Variants in LRRC3B observed in about 807,000 individuals in gnomAD.
LRRC3B encodes the protein leucine rich repeat containing 3B.
In LRRC3B, 2 loss-of-function variants were observed where a neutral mutation model predicts 12.8. That is an observed-to-expected ratio of 0.16 (90% CI 0.06 to 0.49). The LOEUF (loss-of-function observed/expected upper bound fraction) is 0.49. Among genes scored for constraint, LRRC3B ranks in the 20% least tolerant of loss-of-function variants. LRRC3B has a pLI of 0.96. For missense variants in LRRC3B, 189 were observed against 319.4 expected (o/e 0.59, Z 3.11); for synonymous variants, 132 against 122.0 (o/e 1.08, Z -0.54).
At chr3:26,707,897 G>T (rs1231449464) in intron 1 of LRRC3B, among the ~76,000 whole-genome samples, 3 of 152,176 alleles carry the variant, frequency 2.0e-5, no homozygotes, top group African/African-American at 7.2e-5. Context: ...GTTGATGGAG[G>T]GCTTAGTAAG....
chr3:26,676,132 TGCA>T (rs1699855705), intron 1 of LRRC3B, among the ~76,000 whole-genome samples: 1 of 152,032 alleles, frequency 6.6e-6, no homozygotes, highest in African/African-American at 2.4e-5. Flanking sequence ...GTGCACAACG[TGCA>T]GGTTTGTTAC....
intron 1 of LRRC3B, among the ~76,000 whole-genome samples, chr3:26,635,808 C>T (rs1002008757): frequency 2.0e-5 from 3 of 152,122 alleles, no homozygotes; most frequent in African/African-American, 7.2e-5. Context: ...AATTGGCACT[C>T]AGTAACTGTC....
At chr3:26,708,787 A>T (rs1012402408) in intron 1 of LRRC3B, among the ~76,000 whole-genome samples, 1 of 152,134 alleles carries the variant, frequency 6.6e-6, no homozygotes, top group Non-Finnish European at 1.5e-5. Flanking sequence ...CTTGTTATAT[A>T]AAAAAGTCAT....
At chr3:26,647,113 C>T (rs1699168474) in intron 1 of LRRC3B, among the ~76,000 whole-genome samples, 1 of 152,144 alleles carries the variant, frequency 6.6e-6, no homozygotes, top group Non-Finnish European at 1.5e-5. Flanking sequence ...ACTTACACTT[C>T]CTTCTACTTG....
At chr3:26,686,269 T>C (rs1325020940) in intron 1 of LRRC3B, among the ~76,000 whole-genome samples, 3 of 152,014 alleles carry the variant, frequency 2.0e-5, no homozygotes, top group African/African-American at 7.3e-5. Context: ...TTAGTAAAGA[T>C]GGGGTTTCTC....
At chr3:26,651,713 A>G (rs1038832819) in intron 1 of LRRC3B, among the ~76,000 whole-genome samples, 3 of 152,216 alleles carry the variant, frequency 2.0e-5, no homozygotes, top group Non-Finnish European at 2.9e-5. Context: ...ACCTTTCAAT[A>G]GGTTACAGAA....
intron 1 of LRRC3B, among the ~76,000 whole-genome samples, chr3:26,665,637 T>C (rs879422461): frequency 1.3e-5 from 2 of 152,160 alleles, no homozygotes; most frequent in Non-Finnish European, 2.9e-5. Flanking sequence ...TTTGGCTAAA[T>C]AACCAAGAAA....
chr3:26,624,644 GCGCAGAGCTGGAGGGCGTGCAGGGAAA>G (rs1386709972), intron 1 of LRRC3B: 10 of 152,712 alleles, frequency 6.5e-5, no homozygotes, highest in African/African-American at 2.2e-4. Context: ...AGGCTGGGGA[GCGCAGAGCTGGAGGGCGTGCAGGGAAA>G]CGCAGAGCTA....
chr3:26,647,631 G>A lies in LRRC3B; in HGVS notation c.-161+24394G>A, dbSNP rs188225920. Among the ~76,000 whole-genome samples, 114 of 152,172 alleles carry A rather than the reference G, an allele frequency of 7.5e-4. 1 individual carries two copies. The highest frequency in any genetic ancestry group is 2.1e-4 in the South Asian group (1 of 4,820). On this transcript the variant is annotated intron_variant, in intron 1 of 1. Coordinates refer to ENST00000396641, the Ensembl canonical transcript of LRRC3B. ...ATTATCCTCTTCATATTCTTACAGC[G>A]TTATGCATCACTCTAAAGATACGGC...
At chr3:26,681,610 T>C (rs1005689864) in intron 1 of LRRC3B, among the ~76,000 whole-genome samples, 4 of 152,104 alleles carry the variant, frequency 2.6e-5, no homozygotes, top group Non-Finnish European at 5.9e-5. Context: ...GCTCTGGAGG[T>C]GAAATAGGAT....
intron 1 of LRRC3B, among the ~76,000 whole-genome samples, chr3:26,697,436 T>G (rs1048756303): frequency 1.8e-4 from 27 of 152,180 alleles, no homozygotes; most frequent in African/African-American, 6.0e-4. Flanking sequence ...ATAAGAGCAC[T>G]CAAAATTACA....
chr3:26,689,912 G>T (rs1309780023), intron 1 of LRRC3B, among the ~76,000 whole-genome samples: 1 of 152,194 alleles, frequency 6.6e-6, no homozygotes, highest in Non-Finnish European at 1.5e-5. Context: ...TGGTGTTGGT[G>T]AATTGGAAAG....
intron 1 of LRRC3B, among the ~76,000 whole-genome samples, chr3:26,708,792 AG>A (rs1341058646): frequency 1.3e-5 from 2 of 152,160 alleles, no homozygotes; most frequent in African/African-American, 2.4e-5. Context: ...TATATAAAAA[AG>A]TCATGGAGGT....
intron 1 of LRRC3B, among the ~76,000 whole-genome samples, chr3:26,675,347 T>G (rs1192400099): frequency 6.6e-6 from 1 of 152,222 alleles, no homozygotes; most frequent in East Asian, 1.9e-4. Context: ...TGCCATGAGC[T>G]CTAGGTGCCA....
chr3:26,649,634 G>GCTCCTT (rs1265951407), intron 1 of LRRC3B, among the ~76,000 whole-genome samples: 1 of 152,106 alleles, frequency 6.6e-6, no homozygotes, highest in African/African-American at 2.4e-5. Flanking sequence ...CAAATTCACT[G>GCTCCTT]CTCCTTCTCC....
intron 1 of LRRC3B, among the ~76,000 whole-genome samples, chr3:26,683,423 T>TA (rs1348710911): frequency 6.6e-6 from 1 of 152,104 alleles, no homozygotes; most frequent in African/African-American, 2.4e-5. Context: ...CCCACCAGTT[T>TA]AGGCCAAACA....
intron 1 of LRRC3B, among the ~76,000 whole-genome samples, chr3:26,669,775 G>C (rs929653052): frequency 1.3e-5 from 2 of 152,040 alleles, no homozygotes; most frequent in Admixed American, 6.6e-5. Flanking sequence ...GATTTTTTTG[G>C]ATTTCCATAA....
intron 1 of LRRC3B, among the ~76,000 whole-genome samples, chr3:26,636,638 C>T (rs764581779): frequency 2.8e-4 from 43 of 152,114 alleles, no homozygotes; most frequent in Non-Finnish European, 4.7e-4. Flanking sequence ...GACACAATTT[C>T]TAAAAGCTAC....
At chr3:26,674,307 C>G (rs1699813118) in intron 1 of LRRC3B, among the ~76,000 whole-genome samples, 1 of 152,090 alleles carries the variant, frequency 6.6e-6, no homozygotes, top group Non-Finnish European at 1.5e-5. Flanking sequence ...TGTCATAGGA[C>G]AGAAGCAAAA....
Sources: gnomAD v4.1 joint callset for allele counts (sites outside exome capture counted in the v4.1 genomes callset) on GRCh38, gnomAD v4.1.1 for gene constraint, MANE v1.5 for transcripts, NCBI Gene and HGNC (gene_info 2026-07-23, HGNC 2026-07-21) for gene names.